The following MCF2L2 variants were observed in gnomAD, a reference collection of about 807,000 sequenced individuals.
MCF2L2 encodes probable guanine nucleotide exchange factor MCF2L2.
A neutral mutation model predicts 150.2 loss-of-function variants in MCF2L2; 102 were observed. That is an observed-to-expected ratio of 0.68 (90% CI 0.58 to 0.80). The LOEUF (loss-of-function observed/expected upper bound fraction) is 0.80, where lower values mean the gene tolerates loss of function less well. Among genes scored for constraint, MCF2L2 ranks in the 30% least tolerant of loss-of-function variants. The probability of loss-of-function intolerance (pLI) is 0.00; values close to 1 mark genes in which losing one functional copy is unlikely to be tolerated. For missense variants in MCF2L2, 1,256 were observed against 1,372.8 expected, an observed-to-expected ratio of 0.91 and a Z score of 1.34; for synonymous variants, 465 against 491.3, an observed-to-expected ratio of 0.95 and a Z score of 0.71.
intron 10 of MCF2L2, among the ~76,000 whole-genome samples, chr3:183,309,408 G>C (rs73068067): frequency 6.6e-6 from 1 of 152,026 alleles, no homozygotes; most frequent in Non-Finnish European, 1.5e-5. Flanking sequence ...TGAGTGATGA[G>C]CCTGTTGTGA....
At chr3:183,413,125 G>C (rs949742704) in intron 1 of MCF2L2, among the ~76,000 whole-genome samples, 1 of 152,120 alleles carries the variant, frequency 6.6e-6, no homozygotes, top group Non-Finnish European at 1.5e-5. Flanking sequence ...TTTGGTGCTA[G>C]AACTTTGTTG....
chr3:183,296,926 T>A, intron 12 of MCF2L2, 50 bp downstream of exon 12: 1 of 1,567,124 alleles, frequency 6.4e-7, no homozygotes, highest in Non-Finnish European at 8.7e-7. Context: ...AGTCCCTCCC[T>A]CCCCTATCCG....
intron 3 of MCF2L2, among the ~76,000 whole-genome samples, chr3:183,368,042 A>G (rs1176638410): frequency 6.6e-6 from 1 of 152,204 alleles, no homozygotes; most frequent in Non-Finnish European, 1.5e-5. Flanking sequence ...TTCCTTTACC[A>G]GCTTGTGAGT....
intron 27 of MCF2L2, among the ~76,000 whole-genome samples, chr3:183,189,875 C>T (rs1038015267): frequency 2.0e-5 from 3 of 152,192 alleles, no homozygotes; most frequent in African/African-American, 7.2e-5. Flanking sequence ...TATCTTCCCT[C>T]TCAGGATCTA....
chr3:183,215,649 C>A (rs1722884999), intron 22 of MCF2L2, among the ~76,000 whole-genome samples: 1 of 152,178 alleles, frequency 6.6e-6, no homozygotes, highest in African/African-American at 2.4e-5. Context: ...TTTAATAGTG[C>A]CATGAGTTAG....
Position 183,207,775 on chromosome 3 carries a change from C to T in MCF2L2, c.2545G>A (p.Val849Ile), listed in dbSNP as rs765489020. Reference sequence around the variant, plus strand: ...TAACGATCCTTGTGAATTGTCCAGACGCTGAAAGGGCCGTGCAGCAACAGC... The same window carrying T: ...TAACGATCCTTGTGAATTGTCCAGATGCTGAAAGGGCCGTGCAGCAACAGC... ...GKLLLHGPFS[V>I]WTIHKDRYKM... Residue 849 changes from valine to isoleucine, a missense_variant, in exon 23 of 30, where the codon GTC becomes ATC. Val to Ile is a conservative substitution (Grantham distance 29). Coordinates refer to ENST00000328913, the MANE Select transcript of MCF2L2 (RefSeq NM_015078.4). 4.6e-5 allele frequency: 74 copies of T among 1,614,228 alleles called. No individual in the cohort carries two copies. The highest frequency in any genetic ancestry group is 2.5e-4 in the East Asian group (11 of 44,882).
chr3:183,204,524 T>C (rs1722405017), intron 25 of MCF2L2, among the ~76,000 whole-genome samples: 1 of 151,948 alleles, frequency 6.6e-6, no homozygotes, highest in African/African-American at 2.4e-5. Context: ...AGTAAGGAAA[T>C]GGAGAAAATT....
intron 10 of MCF2L2, among the ~76,000 whole-genome samples, 176 bp downstream of exon 10, chr3:183,309,540 G>A (rs1462969680): frequency 6.6e-6 from 1 of 152,106 alleles, no homozygotes; most frequent in Admixed American, 6.6e-5. Flanking sequence ...TGTGCTGCCC[G>A]TATTATTCAT....
chr3:183,342,640 G>C (rs1445315754), intron 3 of MCF2L2, among the ~76,000 whole-genome samples: 2 of 127,990 alleles, frequency 1.6e-5, no homozygotes, highest in Non-Finnish European at 3.0e-5. Flanking sequence ...GTGTGTGTGT[G>C]TGTGTGTGTG....
chr3:183,302,412 G>A (rs1426930557), intron 10 of MCF2L2, among the ~76,000 whole-genome samples: 1 of 152,166 alleles, frequency 6.6e-6, no homozygotes, highest in South Asian at 2.1e-4. Flanking sequence ...GTGAAGGCGT[G>A]TTTGACAAGT....
intron 14 of MCF2L2, 149 bp downstream of exon 14, chr3:183,288,971 C>T: frequency 1.8e-6 from 1 of 550,468 alleles, no homozygotes; most frequent in Admixed American, 3.1e-5. Flanking sequence ...AAAAAAAATC[C>T]TATAAACCCC....
chr3:183,343,335 T>A (rs1186192681), intron 3 of MCF2L2, among the ~76,000 whole-genome samples: 1 of 151,836 alleles, frequency 6.6e-6, no homozygotes, highest in Non-Finnish European at 1.5e-5. Flanking sequence ...GGCAAATGAA[T>A]GAATCTGAAG....
chr3:183,278,774 A>G (rs1351394833), intron 14 of MCF2L2, among the ~76,000 whole-genome samples: 1 of 152,198 alleles, frequency 6.6e-6, no homozygotes, highest in Non-Finnish European at 1.5e-5. Flanking sequence ...ATAATAACCT[A>G]GTGATGGAAA....
chr3:183,240,314 C>T (rs1723951982), intron 15 of MCF2L2, among the ~76,000 whole-genome samples: 1 of 152,204 alleles, frequency 6.6e-6, no homozygotes, highest in Non-Finnish European at 1.5e-5. Context: ...ATTGCAACTG[C>T]CACCTCTCAG....
At chr3:183,204,968 C>T (rs559792347) in intron 25 of MCF2L2, among the ~76,000 whole-genome samples, 129 of 152,190 alleles carry the variant, frequency 8.5e-4, no homozygotes, top group Admixed American at 2.6e-3. Flanking sequence ...TAGTGATTGC[C>T]AGGGGCTGGG....
intron 15 of MCF2L2, among the ~76,000 whole-genome samples, chr3:183,246,743 C>CT (rs1276194134): frequency 6.6e-6 from 1 of 152,090 alleles, no homozygotes; most frequent in Non-Finnish European, 1.5e-5. Context: ...CTATTTTTAA[C>CT]TTTTTTGAGG....
chr3:183,417,990 C>G (rs1207808647), intron 1 of MCF2L2, among the ~76,000 whole-genome samples: 1 of 152,138 alleles, frequency 6.6e-6, no homozygotes, highest in African/African-American at 2.4e-5. Flanking sequence ...GAGTTCGAGA[C>G]CAGCCTGGCC....
chr3:183,424,613 C>T (rs1716067084), intron 1 of MCF2L2, among the ~76,000 whole-genome samples: 1 of 152,120 alleles, frequency 6.6e-6, no homozygotes, highest in African/African-American at 2.4e-5. Flanking sequence ...AACAAGCGCA[C>T]GAATAACCCA....
intron 3 of MCF2L2, 54 bp from the exon 4 acceptor site, chr3:183,341,684 G>A: frequency 5.6e-6 from 7 of 1,248,674 alleles, no homozygotes; most frequent in Non-Finnish European, 7.1e-6. Context: ...TATGCTCCAT[G>A]TGGCTCCCAC....
Sources: allele counts gnomAD v4.1 joint callset (sites outside exome capture counted in the v4.1 genomes callset), GRCh38; gene constraint gnomAD v4.1.1; transcripts MANE v1.5; gene names NCBI Gene and HGNC (gene_info 2026-07-23, HGNC 2026-07-21).